Variants in RNF112 observed in about 807,000 individuals in gnomAD.
RNF112 encodes ring finger protein 112, also known as brain finger protein.
RNF112 carries 34 observed loss-of-function variants against 64.7 expected under a neutral mutation model. That is an observed-to-expected ratio of 0.53 (90% CI 0.40 to 0.70). The LOEUF (loss-of-function observed/expected upper bound fraction) is 0.70, where lower values mean the gene tolerates loss of function less well. Ranked by LOEUF, RNF112 falls within the 30% of genes least tolerant of loss-of-function variation. The probability of loss-of-function intolerance (pLI) is 0.00; values close to 1 mark genes in which losing one functional copy is unlikely to be tolerated. For synonymous variants in RNF112, 345 were observed against 344.5 expected (o/e 1.00, Z -0.02); for missense variants, 734 against 850.0 (o/e 0.86, Z 1.70).
rs560397958 is a variant in RNF112 at position 19,415,966 on chromosome 17, G to C, written c.1687G>C (p.Gly563Arg). Reference protein sequence around the residue: ...AVGAGLMGLAGGVVGAGMAAA... With the variant: ...AVGAGLMGLARGVVGAGMAAA... ...GGGGGCCGGGCTCATGGGCCTGGCA[G>C]GGGGCGTGGTGGGTGCTGGCATGGC... Residue 563 changes from glycine (G) to arginine (R), a missense_variant, in exon 14 of 14, where the codon GGG becomes CGG. Transcript: ENST00000461366. The surrounding 1 kb of genome is among the most constrained non-coding windows in gnomAD (Gnocchi z 7.8). 6.3e-7 allele frequency: 1 copy of C among 1,586,158 alleles called. No individual in the cohort carries two copies. The highest frequency in any genetic ancestry group is 1.1e-5 in the South Asian group (1 of 87,182).
Position 19,416,018 on chromosome 17 carries a change from G to T in RNF112, c.1739G>T (p.Gly580Val). Residue 580 changes from glycine (G) to valine (V), a missense_variant, in exon 14 of 14, where the codon GGG (glycine) becomes GTG (valine). Physicochemically the swap from Gly to Val is moderately radical, Grantham distance 109. Coordinates refer to ENST00000461366, the MANE Select transcript of RNF112 (RefSeq NM_007148.5). Reference protein sequence around the residue: ...MAAAALAAEAGMVAAGAAVGA... With the variant: ...MAAAALAAEAVMVAAGAAVGA... ...GCAGCTGCACTGGCTGCAGAGGCTG[G>T]GATGGTGGCTGCTGGAGCTGCCGTG... is the stretch of plus-strand genomic sequence containing the variant. 6.4e-7 allele frequency: 1 copy of T among 1,550,782 alleles called. No individual in the cohort carries two copies. The highest frequency in any genetic ancestry group is 8.7e-7 in the Non-Finnish European group (1 of 1,149,678).
chr17:19,411,318 C>A lies in RNF112; in HGVS notation c.-91C>A, dbSNP rs1385954309. Reference sequence around the variant, plus strand: ...CCTTCTACCTACCGCAGCCTGCTAGCCTTTCCGGGAGAAAAGGCATCCTTA... The same window carrying A: ...CCTTCTACCTACCGCAGCCTGCTAGACTTTCCGGGAGAAAAGGCATCCTTA... On this transcript the variant is annotated 5_prime_UTR_variant, in exon 1 of 14. Coordinates refer to ENST00000461366, the MANE Select transcript of RNF112 (RefSeq NM_007148.5). The A allele has an allele frequency of 1.2e-5, 15 of 1,293,914 alleles. No individual in the cohort carries two copies. The Admixed American group carries it at 2.4e-4, about 20-fold the overall frequency. The allele number at this position is 1,293,914 out of a possible 1,614,324, so 80.2% of individuals were successfully genotyped here.
At position 19,414,818 on chromosome 17, in the gene RNF112, C is replaced by T. The variant is rs775597035; in HGVS notation, c.1057C>T (p.Arg353Ter). Reference protein sequence around the residue: ...PKVQELLQGKRARCCLLPAPG... With the variant: ...PKVQELLQGK ...GGTGCAGGAGCTGCTGCAAGGGAAG[C>T]GAGCCCGTTGCTGCCTCTTGCCTGC... Residue 353 changes from arginine (R) to a stop codon, truncating the protein, a stop_gained, in exon 10 of 14, where the codon CGA becomes TGA. Coordinates refer to ENST00000461366, the MANE Select transcript of RNF112 (RefSeq NM_007148.5). LOFTEE classifies it high-confidence loss of function. 2.5e-6 allele frequency: 4 copies of T among 1,613,736 alleles called. No homozygotes were observed. The highest frequency in any genetic ancestry group is 1.7e-5 in the Admixed American group (1 of 60,026).
At position 19,413,416 on chromosome 17, in the gene RNF112, G is replaced by C. The variant is rs373160743; in HGVS notation, c.720+5G>C. On this transcript the variant is annotated splice_donor_5th_base_variant and intron_variant, in intron 5 of 13. Coordinates refer to ENST00000461366, the MANE Select transcript of RNF112 (RefSeq NM_007148.5). The surrounding 1 kb of genome is among the most constrained non-coding windows in gnomAD (Gnocchi z 5.9). ...CTGGGGAAAGAAGGGAAGAAGGTGA[G>C]GGGGGAAGTGGCAGAAGGAGGTCAG... 2.2e-4 allele frequency: 346 copies of C among 1,609,252 alleles called. No individual in the cohort carries two copies. Among genetic ancestry groups the C allele is most frequent in the Non-Finnish European group, 2.8e-4 (334 of 1,176,956 alleles).
chr17:19,415,541 G>A lies in RNF112; in HGVS notation c.1374G>A (p.Leu458=). 1.2e-6 allele frequency: 2 copies of A among 1,612,748 alleles called. No individual in the cohort carries two copies. The highest frequency in any genetic ancestry group is 2.2e-5 in the East Asian group (1 of 44,840). ...PDEMAAQLHD[L]RKVEAAKREF... ...AGATGGCTGCTCAGCTGCACGACCTGAGGAAGGTGGAAGCTGCCAAGAGGG... is the reference window on the plus strand; with the variant it reads ...AGATGGCTGCTCAGCTGCACGACCTAAGGAAGGTGGAAGCTGCCAAGAGGG... The change falls in exon 13 of 14, where the codon CTG becomes CTA. Residue 458 remains leucine (L), a synonymous_variant. Coordinates refer to ENST00000461366, the MANE Select transcript of RNF112 (RefSeq NM_007148.5). This position sits in a 1 kb window ranked among gnomAD's most constrained non-coding sequence, Gnocchi z 7.8.
chr17:19,411,421 G>A lies in RNF112; in HGVS notation c.13G>A (p.Ala5Thr), dbSNP rs1174755205. The A allele has an allele frequency of 2.5e-6, 4 of 1,611,718 alleles. No homozygotes were observed. The highest frequency in any genetic ancestry group is 1.3e-5 in the African/African-American group (1 of 74,714). Reference sequence around the variant, plus strand: ...ATCCCAGCCTCCCATGCCAAGGCCCGCCTTGTCAGTCACTTCCTTTTGTCA... The same window carrying A: ...ATCCCAGCCTCCCATGCCAAGGCCCACCTTGTCAGTCACTTCCTTTTGTCA... Reference protein sequence around the residue: MPRPALSVTSFCHRL... With the variant: MPRPTLSVTSFCHRL... Residue 5 changes from alanine to threonine, a missense_variant, in exon 1 of 14, where the codon GCC (alanine) becomes ACC (threonine). Transcript: ENST00000461366.
rs534950080 is a variant in RNF112 at position 19,412,569 on chromosome 17, C to G, written c.167C>G (p.Thr56Ser). The part of the protein sequence containing the change: ...PQPMAPRELP[T>S]CSICLERLRD... The stretch of plus-strand genomic sequence containing the variant: ...CCCATGGCGCCCCGGGAGCTCCCTA[C>G]CTGCTCCATCTGCCTGGAGAGGTTG... The change falls in exon 3 of 14, where the codon ACC becomes AGC. Residue 56 changes from threonine to serine, a missense_variant. By Grantham distance (58) the Thr-to-Ser change is moderately conservative. Transcript: ENST00000461366. This position sits in a 1 kb window ranked among gnomAD's most constrained non-coding sequence, Gnocchi z 5.1. The G allele has an allele frequency of 6.2e-7, 1 of 1,613,584 alleles. No homozygotes were observed. Among genetic ancestry groups the G allele is most frequent in the East Asian group, 2.2e-5 (1 of 44,858 alleles).
chr17:19,412,360 C>A lies in RNF112; in HGVS notation c.96-138C>A. 1 of 909,638 alleles carries A rather than the reference C, an allele frequency of 1.1e-6. No homozygotes were observed. The highest frequency in any genetic ancestry group is 1.6e-6 in the Non-Finnish European group (1 of 614,254). 56.3% of individuals were successfully genotyped at this position (909,638 alleles called of 1,614,324 possible). A position where few individuals can be genotyped will look rare whatever the true frequency, so the allele number is the denominator to read the frequency against. On this transcript the variant is annotated intron_variant, in intron 2 of 13. Coordinates refer to ENST00000461366, the MANE Select transcript of RNF112 (RefSeq NM_007148.5). The surrounding 1 kb of genome is among the most constrained non-coding windows in gnomAD (Gnocchi z 5.1). ...CTCTCTGGGAGCAGCTCCGCCTGTC[C>A]ATGGAGGCACTGATGGAAATTGGGT... is the stretch of plus-strand genomic sequence containing the variant.
At position 19,413,245 on chromosome 17, in the gene RNF112, C is replaced by T. The variant is rs756737942; in HGVS notation, c.589-35C>T. On this transcript the variant is annotated intron_variant, in intron 4 of 13. Transcript: ENST00000461366. This position sits in a 1 kb window ranked among gnomAD's most constrained non-coding sequence, Gnocchi z 5.9. ...ATTCCGGTCTGTGGGGACAAGGAACCGACCAACTGATGCTCTCCCTTCTCT... is the reference window on the plus strand; with the variant it reads ...ATTCCGGTCTGTGGGGACAAGGAACTGACCAACTGATGCTCTCCCTTCTCT... 5.8e-5 allele frequency: 92 copies of T among 1,595,642 alleles called. No individual in the cohort carries two copies. Among genetic ancestry groups the T allele is most frequent in the Non-Finnish European group, 6.7e-5 (78 of 1,167,910 alleles).
Position 19,413,445 on chromosome 17 carries a change from T to A in RNF112, c.720+34T>A, listed in dbSNP as rs925530230. On this transcript the variant is annotated intron_variant, in intron 5 of 13. Coordinates refer to ENST00000461366, the MANE Select transcript of RNF112 (RefSeq NM_007148.5). The surrounding 1 kb of genome is among the most constrained non-coding windows in gnomAD (Gnocchi z 5.9). ...GGAAGTGGCAGAAGGAGGTCAGGGA[T>A]GGGAAGGGGAATCAAGAAGGGCGTC... 6.3e-7 allele frequency: 1 copy of A among 1,585,882 alleles called. No individual in the cohort carries two copies. Among genetic ancestry groups the A allele is most frequent in the Non-Finnish European group, 8.6e-7 (1 of 1,161,754 alleles).
chr17:19,415,447 A>T lies in RNF112; in HGVS notation c.1351-71A>T, dbSNP rs1913847860. The T allele has an allele frequency of 2.6e-6, 4 of 1,557,472 alleles. No individual in the cohort carries two copies. Among genetic ancestry groups the T allele is most frequent in the Non-Finnish European group, 3.5e-6 (4 of 1,150,320 alleles). On this transcript the variant is annotated intron_variant, in intron 12 of 13. Coordinates refer to ENST00000461366, the MANE Select transcript of RNF112 (RefSeq NM_007148.5). This position sits in a 1 kb window ranked among gnomAD's most constrained non-coding sequence, Gnocchi z 7.8. ...GGGGGTCTGTGTGCCCTGGGAGTGG[A>T]GATGAGGAAACAAGCAGCGCCCCTG...
In RNF112 at chr17:19,413,502, CG is replaced by C. The variant is rs1913749464; in HGVS notation, c.721-71del. 6.4e-7 allele frequency: 1 copy of C among 1,561,152 alleles called. No homozygotes were observed. The highest frequency in any genetic ancestry group is 2.3e-5 in the East Asian group (1 of 44,240). ...GTGAGGATAGAAGATGGGGATGGGA[CG>C]GGGCAGGGTTGGGAAGAATGTGGGA... On this transcript the variant is annotated intron_variant, in intron 5 of 13. Transcript: ENST00000461366. The surrounding 1 kb of genome is among the most constrained non-coding windows in gnomAD (Gnocchi z 5.9).
At chr17:19,411,963 T>C (rs739829) in intron 2 of RNF112, 43,703 of 538,914 alleles carry the variant, frequency 0.081, 5,851 homozygotes, top group African/African-American at 0.38. Flanking sequence ...CATGGGGTTG[T>C]GGAGGGTATC....
In RNF112 at chr17:19,413,582, G is replaced by A. The variant is rs774827298; in HGVS notation, c.726G>A (p.Ala242=). 218 of 1,612,624 alleles carry A rather than the reference G, an allele frequency of 1.4e-4. No homozygotes were observed. Among genetic ancestry groups the A allele is most frequent in the Non-Finnish European group, 1.8e-4 (213 of 1,179,370 alleles). Residue 242 remains alanine (A), a synonymous_variant, in exon 6 of 14, where the codon GCG becomes GCA. Transcript: ENST00000461366. The surrounding 1 kb of genome is among the most constrained non-coding windows in gnomAD (Gnocchi z 5.9). ...TTTCCCTACCCCCTGCATAGGTGGCGGTGTTCCTGGTGGACACAGGGGATG... is the reference window on the plus strand; with the variant it reads ...TTTCCCTACCCCCTGCATAGGTGGCAGTGTTCCTGGTGGACACAGGGGATG... ...FLLGKEGKKV[A]VFLVDTGDAM...
At position 19,414,824 on chromosome 17, in the gene RNF112, C is replaced by T. The variant is rs774712081; in HGVS notation, c.1063C>T (p.Arg355Cys). ...VQELLQGKRARCCLLPAPGRR... is the reference protein window; with the variant it reads ...VQELLQGKRACCCLLPAPGRR... ...GGAGCTGCTGCAAGGGAAGCGAGCC[C>T]GTTGCTGCCTCTTGCCTGCCCCAGG... Residue 355 changes from arginine to cysteine, a missense_variant, in exon 10 of 14, where the codon CGT becomes TGT. Coordinates refer to ENST00000461366, the MANE Select transcript of RNF112 (RefSeq NM_007148.5). 2.8e-5 allele frequency: 45 copies of T among 1,613,662 alleles called. No homozygotes were observed. The highest frequency in any genetic ancestry group is 1.6e-4 in the Middle Eastern group (1 of 6,080).
chr17:19,416,566 G>A lies in RNF112; in HGVS notation c.*391G>A, dbSNP rs115985100. On this transcript the variant is annotated 3_prime_UTR_variant, in exon 14 of 14. Coordinates refer to ENST00000461366, the MANE Select transcript of RNF112 (RefSeq NM_007148.5). ...CCTGGAAGTCTACCCCTAGGTGGTCGAGAGACCTGTTCTTTCACAGATGTG... is the reference window on the plus strand; with the variant it reads ...CCTGGAAGTCTACCCCTAGGTGGTCAAGAGACCTGTTCTTTCACAGATGTG... The A allele has an allele frequency of 6.5e-3, 1,233 of 190,450 alleles. 18 individuals are homozygous for A. Among genetic ancestry groups the A allele is most frequent in the African/African-American group, 0.027 (1,139 of 42,376 alleles). The allele number at this position is 190,450 out of a possible 1,614,324, so 11.8% of individuals were successfully genotyped here.
chr17:19,416,272 C>A lies in RNF112; in HGVS notation c.*97C>A. On this transcript the variant is annotated 3_prime_UTR_variant, in exon 14 of 14. Coordinates refer to ENST00000461366, the MANE Select transcript of RNF112 (RefSeq NM_007148.5). ...GGTGATGCCAGGGATTCCAAGGCAC[C>A]GCCATGTACTGCACTGCCCTGGTCG... 13 of 1,132,796 alleles carry A rather than the reference C, an allele frequency of 1.1e-5. No homozygotes were observed. The highest frequency in any genetic ancestry group is 1.5e-5 in the Non-Finnish European group (12 of 803,512). The allele number at this position is 1,132,796 out of a possible 1,614,324, so 70.2% of individuals were successfully genotyped here. A position where few individuals can be genotyped will look rare whatever the true frequency, so the allele number is the denominator to read the frequency against.
chr17:19,415,727 T>A lies in RNF112; in HGVS notation c.1448T>A (p.Phe483Tyr). ...RQQDVATKRI[F>Y]SALRVLPDTM... The stretch of plus-strand genomic sequence containing the variant: ...CAGGACGTAGCCACCAAGCGCATAT[T>A]CTCTGCGCTGCGGGTCCTGCCAGAC... Residue 483 changes from phenylalanine to tyrosine, a missense_variant, in exon 14 of 14, where the codon TTC (phenylalanine) becomes TAC (tyrosine). Coordinates refer to ENST00000461366, the MANE Select transcript of RNF112 (RefSeq NM_007148.5). The surrounding 1 kb of genome is among the most constrained non-coding windows in gnomAD (Gnocchi z 7.8). 6.2e-7 allele frequency: 1 copy of A among 1,611,846 alleles called. No individual in the cohort carries two copies. Among genetic ancestry groups the A allele is most frequent in the Non-Finnish European group, 8.5e-7 (1 of 1,179,006 alleles).
Position 19,416,183 on chromosome 17 carries a change from A to C in RNF112, c.*8A>C, listed in dbSNP as rs1214909143. The C allele has an allele frequency of 6.5e-7, 1 of 1,543,750 alleles. No individual in the cohort carries two copies. Among genetic ancestry groups the C allele is most frequent in the Non-Finnish European group, 8.7e-7 (1 of 1,144,144 alleles). On this transcript the variant is annotated 3_prime_UTR_variant, in exon 14 of 14. Transcript: ENST00000461366. ...CTTCTCCAGGAAGAGTAACAGCCCC[A>C]GGAGGTATTGAAGGACAGGAGAGAT...
Sources: allele counts gnomAD v4.1 joint callset, GRCh38; gene constraint gnomAD v4.1.1; non-coding constraint Gnocchi (gnomAD v3.1); transcripts MANE v1.5; gene names NCBI Gene and HGNC (gene_info 2026-07-23, HGNC 2026-07-21).